The following KCNK10 variants were observed in gnomAD, a reference collection of about 807,000 sequenced individuals.
KCNK10 encodes potassium channel subfamily K member 10.
Under a neutral mutation model 47.7 loss-of-function variants are expected in KCNK10, and 25 were observed. The observed-to-expected ratio is 0.52, with a 90% CI of 0.38 to 0.73. KCNK10 has a LOEUF of 0.73. KCNK10 is among the 30% of genes least tolerant of loss of function. The pLI is 0.00. For missense variants in KCNK10, 563 were observed against 714.5 expected (o/e 0.79, Z 2.42); for synonymous variants, 303 against 285.6 (o/e 1.06, Z -0.61).
rs1422893795 is a variant in KCNK10, at chr14:88,184,369, T to C, written c.*1166A>G. ...TATTTTAAATATTTCTAAGTATCAT[T>C]GTTAAATGGAATTAATGGCACTTAC... is the stretch of plus-strand genomic sequence containing the variant. On this transcript the variant is annotated 3_prime_UTR_variant, in exon 7 of 7. Transcript: ENST00000319231. 1 of 152,354 alleles carries C rather than the reference T, an allele frequency of 6.6e-6. No individual in the cohort carries two copies. Among genetic ancestry groups the C allele is most frequent in the Non-Finnish European group, 1.5e-5 (1 of 68,040 alleles). 9.4% of individuals were successfully genotyped at this position (152,354 alleles called of 1,614,324 possible). A position where few individuals can be genotyped will look rare whatever the true frequency, so the allele number is the denominator to read the frequency against.
intron 4 of KCNK10, among the ~76,000 whole-genome samples, chr14:88,202,967 T>C (rs891895116): frequency 6.6e-6 from 1 of 152,182 alleles, no homozygotes; most frequent in Admixed American, 6.5e-5. Flanking sequence ...GGGGTGGGCA[T>C]GGAAGGTAAA....
chr14:88,304,896 A>C (rs1370278272), intron 1 of KCNK10, among the ~76,000 whole-genome samples: 1 of 152,194 alleles, frequency 6.6e-6, no homozygotes, highest in Non-Finnish European at 1.5e-5. Flanking sequence ...TTATGTATTT[A>C]GTTGATGAAA....
rs147363068 is a variant in KCNK10 at position 88,239,163 on chromosome 14, T to C, written c.520+1540A>G. ...CACGACGTTGGAAAAATGGCACCAA[T>C]AGACTTGTTCAATGCGGGATTGCCA... On this transcript the variant is annotated intron_variant, in intron 3 of 6. Transcript: ENST00000319231. Among the ~76,000 whole-genome samples the C allele has an allele frequency of 2.0e-4, 30 of 151,926 alleles. No individual in the cohort carries two copies. In the East Asian group the frequency reaches 5.6e-3, roughly 28 times the overall value.
chr14:88,263,570 G>A lies in KCNK10; in HGVS notation c.53-19C>T, dbSNP rs1251814213. 6.3e-7 allele frequency: 1 copy of A among 1,592,484 alleles called. No homozygotes were observed. Among genetic ancestry groups the A allele is most frequent in the African/African-American group, 1.3e-5 (1 of 74,496 alleles). On this transcript the variant is annotated intron_variant, in intron 1 of 6. Coordinates refer to ENST00000319231, the MANE Select transcript of KCNK10 (RefSeq NM_138317.3). The stretch of plus-strand genomic sequence containing the variant: ...ACGGCCACTGAGGAGTCAGGGTGGG[G>A]GACAAAGAAGAAGAGAGTTTGTTTA...
At chr14:88,302,340 G>A (rs1228824182) in intron 1 of KCNK10, among the ~76,000 whole-genome samples, 3 of 152,180 alleles carry the variant, frequency 2.0e-5, no homozygotes, top group African/African-American at 7.2e-5. Flanking sequence ...CTAACTATTT[G>A]GGCATTCCAC....
chr14:88,195,096 T>C (rs937052753), intron 4 of KCNK10, among the ~76,000 whole-genome samples: 1 of 151,934 alleles, frequency 6.6e-6, no homozygotes, highest in Admixed American at 6.6e-5. Flanking sequence ...ACAAACCATC[T>C]CATGTGCCGT....
Position 88,180,979 on chromosome 14 carries a change from T to C in KCNK10, c.*4556A>G, listed in dbSNP as rs564190201. 2.7e-4 allele frequency: 108 copies of C among 397,084 alleles called. 1 individual carries two copies. The highest frequency in any genetic ancestry group is 2.1e-3 in the African/African-American group (104 of 48,742). The allele number at this position is 397,084 out of a possible 1,614,324, so 24.6% of individuals were successfully genotyped here. On this transcript the variant is annotated 3_prime_UTR_variant, in exon 7 of 7. Transcript: ENST00000319231. Reference sequence around the variant, plus strand: ...CAGCTCTTACTGTTCACTCAGCCACTGTCTTTGCACACAATTGCATCCTAA... The same window carrying C: ...CAGCTCTTACTGTTCACTCAGCCACCGTCTTTGCACACAATTGCATCCTAA...
rs1480647088 is a variant in KCNK10 at position 88,270,848 on chromosome 14, C to G, written c.53-7297G>C. 25 of 780,628 alleles carry G rather than the reference C, an allele frequency of 3.2e-5. No homozygotes were observed. The Admixed American group carries it at 4.2e-4, about 13-fold the overall frequency. The allele number at this position is 780,628 out of a possible 1,614,324, so 48.4% of individuals were successfully genotyped here. On this transcript the variant is annotated intron_variant, in intron 1 of 6. Transcript: ENST00000319231. Reference sequence around the variant, plus strand: ...AGGTGTCAGTGTGATCACATGGACCCTTGCTAACAATGCTCTGAAGGCGCC... The same window carrying G: ...AGGTGTCAGTGTGATCACATGGACCGTTGCTAACAATGCTCTGAAGGCGCC...
intron 4 of KCNK10, among the ~76,000 whole-genome samples, chr14:88,224,802 GT>G (rs1295246382): frequency 3.3e-5 from 5 of 152,300 alleles, no homozygotes; most frequent in African/African-American, 1.2e-4. Context: ...TACTGACAGG[GT>G]TTCACCATCT....
chr14:88,278,978 G>A (rs999531513), intron 1 of KCNK10, among the ~76,000 whole-genome samples: 1 of 152,144 alleles, frequency 6.6e-6, no homozygotes, highest in African/African-American at 2.4e-5. Flanking sequence ...AAACTCACAG[G>A]CACATGGAGT....
chr14:88,314,213 T>G (rs1028679350), intron 1 of KCNK10, among the ~76,000 whole-genome samples: 7 of 152,080 alleles, frequency 4.6e-5, no homozygotes, highest in African/African-American at 1.7e-4. Flanking sequence ...CTTTGGAAGG[T>G]AATTAGGTCA....
At chr14:88,211,025 A>C in intron 4 of KCNK10, among the ~76,000 whole-genome samples, 1 of 152,198 alleles carries the variant, frequency 6.6e-6, no homozygotes, top group East Asian at 1.9e-4. Flanking sequence ...AATAATTAAA[A>C]ACAGGGACTT....
chr14:88,323,218 GCACACACTCCCGCA>G lies in KCNK10; in HGVS notation c.-434_-421del, dbSNP rs1039853196. On this transcript the variant is annotated 5_prime_UTR_variant, in exon 1 of 7. Coordinates refer to ENST00000319231, the MANE Select transcript of KCNK10 (RefSeq NM_138317.3). ...CACTCCAGCCCCCGAAGGCGTGTGC[GCACACACTCCCGCA>G]CACACACACCCGCACACACACTCCC... The G allele has an allele frequency of 8.7e-6, 9 of 1,028,848 alleles. No individual in the cohort carries two copies. The African/African-American group carries it at 1.2e-4, about 14-fold the overall frequency. The allele number at this position is 1,028,848 out of a possible 1,614,324, so 63.7% of individuals were successfully genotyped here.
intron 1 of KCNK10, among the ~76,000 whole-genome samples, chr14:88,264,305 T>C (rs1887198200): frequency 6.6e-6 from 1 of 152,184 alleles, no homozygotes; most frequent in East Asian, 1.9e-4. Context: ...GGCAGGAAGT[T>C]TGGGGTTATG....
chr14:88,308,752 A>T (rs1211335326), intron 1 of KCNK10, among the ~76,000 whole-genome samples: 3 of 152,248 alleles, frequency 2.0e-5, no homozygotes, highest in Admixed American at 6.5e-5. Context: ...TAATTAACAC[A>T]GATTCTTCAA....
Position 88,288,116 on chromosome 14 carries a change from T to C in KCNK10, c.53-24565A>G, listed in dbSNP as rs545958984. ...TAGTGATGTTGAGCATTTTTTCATA[T>C]GTTTGTTGGCCATTTGTATTAGATT... On this transcript the variant is annotated intron_variant, in intron 1 of 6. Transcript: ENST00000319231. 9.2e-5 allele frequency among the ~76,000 whole-genome samples: 14 copies of C among 152,342 alleles called. No homozygotes were observed. In the East Asian group the frequency reaches 1.7e-3, roughly 19 times the overall value.
intron 1 of KCNK10, among the ~76,000 whole-genome samples, chr14:88,301,998 A>C (rs773862461): frequency 6.6e-6 from 1 of 152,164 alleles, no homozygotes; most frequent in African/African-American, 2.4e-5. Context: ...TCCACACAGG[A>C]AGATGCGTGG....
At chr14:88,307,517 T>A (rs113771759) in intron 1 of KCNK10, among the ~76,000 whole-genome samples, 21 of 152,340 alleles carry the variant, frequency 1.4e-4, no homozygotes, top group African/African-American at 5.0e-4. Context: ...ATGAAAATTT[T>A]CTACAATTAG....
chr14:88,216,906 C>T (rs188948706), intron 4 of KCNK10, among the ~76,000 whole-genome samples: 291 of 152,324 alleles, frequency 1.9e-3, no homozygotes, highest in African/African-American at 6.8e-3. Context: ...CCTGTAATCC[C>T]GGCAGTTTGG....
Sources: allele counts gnomAD v4.1 joint callset (sites outside exome capture counted in the v4.1 genomes callset), GRCh38; gene constraint gnomAD v4.1.1; transcripts MANE v1.5; gene names NCBI Gene and HGNC (gene_info 2026-07-23, HGNC 2026-07-21).